GNB1: variants seen among roughly 807,000 people sequenced by gnomAD.
GNB1 encodes the protein G protein subunit beta 1.
In GNB1, 2 loss-of-function variants were observed where a neutral mutation model predicts 42.9. That is an observed-to-expected ratio of 0.05 (90% confidence interval 0.02 to 0.15). GNB1 has a LOEUF of 0.15. Ranked by LOEUF, GNB1 falls within the 10% of genes least tolerant of loss-of-function variation. The pLI, the probability that GNB1 is intolerant of heterozygous loss-of-function variation, is 1.00. For missense variants in GNB1, 193 were observed against 462.2 expected, an observed-to-expected ratio of 0.42 and a Z score of 5.34; for synonymous variants, 183 against 174.7, an observed-to-expected ratio of 1.05 and a Z score of -0.38.
chr1:1,829,327 T>A (rs539738030), intron 2 of GNB1, among the ~76,000 whole-genome samples: 6 of 152,280 alleles, frequency 3.9e-5, no homozygotes, highest in Admixed American at 3.3e-4. Context: ...AATGCCGGGA[T>A]TACAGGTATG....
Position 1,787,604 on chromosome 1 carries a change from C to A in GNB1, c.917-167G>T, listed in dbSNP as rs961105909. ...TGCATCCACGTGGGGAATTAACCTGCAGCATATGGCCAGCCTTGTTAAAAT... is the reference window on the plus strand; with the variant it reads ...TGCATCCACGTGGGGAATTAACCTGAAGCATATGGCCAGCCTTGTTAAAAT... On this transcript the variant is annotated intron_variant, in intron 10 of 11. Transcript: ENST00000378609. The surrounding 1 kb of genome is among the most constrained non-coding windows in gnomAD (Gnocchi z 4.4). Among the ~76,000 whole-genome samples, 1 of 152,170 alleles carries A rather than the reference C, an allele frequency of 6.6e-6. No individual in the cohort carries two copies. The highest frequency in any genetic ancestry group is 2.4e-5 in the African/African-American group (1 of 41,442).
chr1:1,888,540 A>G lies in GNB1; in HGVS notation c.-96+2280T>C, dbSNP rs189506044. Among the ~76,000 whole-genome samples the G allele has an allele frequency of 1.7e-4, 26 of 152,278 alleles. No homozygotes were observed. The East Asian group carries it at 3.7e-3, about 21-fold the overall frequency. ...ATTTCTGCGCAGCTCTAATCGTTAG[A>G]AAGTTCTGCCTTACCGGCTGGGCGC... On this transcript the variant is annotated intron_variant, in intron 1 of 11. Coordinates refer to ENST00000378609, the MANE Select transcript of GNB1 (RefSeq NM_002074.5).
At chr1:1,866,335 G>A (rs574450994) in intron 1 of GNB1, among the ~76,000 whole-genome samples, 1 of 152,198 alleles carries the variant, frequency 6.6e-6, no homozygotes, top group Non-Finnish European at 1.5e-5. Flanking sequence ...TGATACATAT[G>A]TGCATAATTT....
chr1:1,880,060 T>C (rs1052897814), intron 1 of GNB1, among the ~76,000 whole-genome samples: 4 of 151,868 alleles, frequency 2.6e-5, no homozygotes, highest in South Asian at 4.2e-4. Flanking sequence ...GCCTCCCCAG[T>C]AGATGGGACC....
At chr1:1,872,690 C>T (rs948826987) in intron 1 of GNB1, among the ~76,000 whole-genome samples, 8 of 152,024 alleles carry the variant, frequency 5.3e-5, no homozygotes, top group Non-Finnish European at 8.8e-5. Flanking sequence ...CTCTAAATAC[C>T]CTAAACAATA....
chr1:1,863,726 C>G (rs1648759379), intron 1 of GNB1, among the ~76,000 whole-genome samples: 1 of 152,220 alleles, frequency 6.6e-6, no homozygotes, highest in African/African-American at 2.4e-5. Context: ...TCAGATATCA[C>G]ACACAGTAAG....
chr1:1,885,388 G>A (rs897788830), intron 1 of GNB1, among the ~76,000 whole-genome samples: 1 of 150,718 alleles, frequency 6.6e-6, no homozygotes, highest in Non-Finnish European at 1.5e-5. Flanking sequence ...ACTCCAGCCT[G>A]GGCAACAGGA....
At chr1:1,794,650 G>T (rs1646523332) in intron 7 of GNB1, among the ~76,000 whole-genome samples, 1 of 152,178 alleles carries the variant, frequency 6.6e-6, no homozygotes, top group Non-Finnish European at 1.5e-5. Flanking sequence ...AATGTAGAAA[G>T]TGTAAGATTA....
intron 1 of GNB1, among the ~76,000 whole-genome samples, chr1:1,864,946 G>C (rs1648841085): frequency 6.6e-6 from 1 of 152,148 alleles, no homozygotes; most frequent in Non-Finnish European, 1.5e-5. Context: ...GAAGAGTATT[G>C]CTATCTAACA....
At chr1:1,846,257 G>A (rs1256101413) in intron 1 of GNB1, among the ~76,000 whole-genome samples, 1 of 151,944 alleles carries the variant, frequency 6.6e-6, no homozygotes, top group African/African-American at 2.4e-5. Flanking sequence ...ACAGAGGAAT[G>A]CCAATACACA....
intron 1 of GNB1, among the ~76,000 whole-genome samples, chr1:1,868,325 G>GTC (rs1649056584): frequency 6.6e-6 from 1 of 152,148 alleles, no homozygotes; most frequent in East Asian, 1.9e-4. Context: ...ACAGGCATGA[G>GTC]CCACCACATC....
At chr1:1,878,334 CCTT>C (rs1239873668) in intron 1 of GNB1, among the ~76,000 whole-genome samples, 1 of 152,166 alleles carries the variant, frequency 6.6e-6, no homozygotes, top group Non-Finnish European at 1.5e-5. Flanking sequence ...AACAGGAAAA[CCTT>C]CAAGTACCTC....
intron 1 of GNB1, among the ~76,000 whole-genome samples, chr1:1,842,059 G>A (rs779554054): frequency 8.5e-5 from 13 of 152,226 alleles, no homozygotes; most frequent in Non-Finnish European, 1.3e-4. Context: ...TGTAATCCCA[G>A]CACTTTGGGA....
chr1:1,808,572 C>T (rs1005116284), intron 5 of GNB1, among the ~76,000 whole-genome samples: 5 of 152,102 alleles, frequency 3.3e-5, no homozygotes, highest in South Asian at 2.1e-4. Flanking sequence ...TCTGTCAGTA[C>T]GGTAAATGAT....
At chr1:1,800,374 G>T (rs1429180628) in intron 7 of GNB1, among the ~76,000 whole-genome samples, 1 of 152,136 alleles carries the variant, frequency 6.6e-6, no homozygotes, top group Non-Finnish European at 1.5e-5. Context: ...ACTGCAGAAG[G>T]AATATCTGAC....
chr1:1,885,491 T>C (rs1650095926), intron 1 of GNB1, among the ~76,000 whole-genome samples: 1 of 151,080 alleles, frequency 6.6e-6, no homozygotes, highest in Admixed American at 6.6e-5. Context: ...TTTTAAAAAA[T>C]GGGTCTTTCT....
At chr1:1,876,364 C>T (rs1366451725) in intron 1 of GNB1, among the ~76,000 whole-genome samples, 1 of 152,070 alleles carries the variant, frequency 6.6e-6, no homozygotes, top group East Asian at 1.9e-4. Context: ...CAGGTCACTG[C>T]AGCCTCGAAC....
rs1025464574 is a variant in GNB1 at position 1,848,961 on chromosome 1, A to G, written c.-95-9723T>C. On this transcript the variant is annotated intron_variant, in intron 1 of 11. Transcript: ENST00000378609. ...AGTGATAGGCATGTCTTTGTTATTC[A>G]TGAGCCTCCATGTTTTTGCTGAGAT... 2.6e-5 allele frequency among the ~76,000 whole-genome samples: 4 copies of G among 152,198 alleles called. No homozygotes were observed. In the East Asian group the frequency reaches 7.7e-4, roughly 29 times the overall value.
intron 2 of GNB1, among the ~76,000 whole-genome samples, chr1:1,827,605 G>T (rs1647016757): frequency 6.6e-6 from 1 of 152,172 alleles, no homozygotes; most frequent in Non-Finnish European, 1.5e-5. Flanking sequence ...GGACGTTAAT[G>T]TGTTAAGCAG....
Sources: allele counts gnomAD v4.1 joint callset (sites outside exome capture counted in the v4.1 genomes callset), GRCh38; gene constraint gnomAD v4.1.1; non-coding constraint Gnocchi (gnomAD v3.1); transcripts MANE v1.5; gene names NCBI Gene and HGNC (gene_info 2026-07-23, HGNC 2026-07-21).